Variants in OPCML observed in about 807,000 individuals in gnomAD.
The protein encoded by OPCML is opioid-binding protein/cell adhesion molecule.
In OPCML, 13 loss-of-function variants were observed where a neutral mutation model predicts 37.8. The observed-to-expected ratio is 0.34, with a 90% CI of 0.22 to 0.55. The LOEUF is 0.55. OPCML is among the 20% of genes least tolerant of loss of function. The pLI is 0.91. For missense variants in OPCML, 341 were observed against 435.6 expected, an observed-to-expected ratio of 0.78 and a Z score of 1.93; for synonymous variants, 176 against 168.8, an observed-to-expected ratio of 1.04 and a Z score of -0.33.
intron 1 of OPCML, among the ~76,000 whole-genome samples, chr11:133,176,445 G>A (rs1445331828): frequency 6.6e-6 from 1 of 150,610 alleles, no homozygotes; most frequent in Non-Finnish European, 1.5e-5. Flanking sequence ...ATGTTGAAAT[G>A]TAATTCCCAA....
chr11:132,703,291 T>C (rs750620199), intron 2 of OPCML, among the ~76,000 whole-genome samples: 1 of 152,220 alleles, frequency 6.6e-6, no homozygotes, highest in African/African-American at 2.4e-5. Flanking sequence ...TAAGTATTCA[T>C]GTATCTAAAT....
intron 1 of OPCML, among the ~76,000 whole-genome samples, chr11:133,016,699 G>A (rs1422893731): frequency 1.3e-5 from 2 of 152,186 alleles, no homozygotes; most frequent in Non-Finnish European, 2.9e-5. Flanking sequence ...CATATTCAGT[G>A]TGTACCACAG....
chr11:133,185,677 C>T (rs921021001), intron 1 of OPCML, among the ~76,000 whole-genome samples: 1 of 152,102 alleles, frequency 6.6e-6, no homozygotes, highest in Admixed American at 6.5e-5. Flanking sequence ...TTCTAAGGCT[C>T]CCATAGATAT....
intron 2 of OPCML, among the ~76,000 whole-genome samples, chr11:132,884,338 G>C (rs1242738180): frequency 6.6e-6 from 1 of 152,216 alleles, no homozygotes; most frequent in Non-Finnish European, 1.5e-5. Flanking sequence ...TATCAAAAAT[G>C]TTAAATGGCT....
At chr11:133,004,829 G>A in intron 1 of OPCML, 2 of 985,332 alleles carry the variant, frequency 2.0e-6, no homozygotes, top group Non-Finnish European at 2.4e-6. Context: ...TCCATCTACG[G>A]GAGTCAGTTC....
intron 4 of OPCML, among the ~76,000 whole-genome samples, chr11:132,481,169 A>G (rs947634925): frequency 2.0e-5 from 3 of 152,230 alleles, no homozygotes; most frequent in Non-Finnish European, 4.4e-5. Flanking sequence ...TGCTGTATTC[A>G]GGAAACCTAT....
intron 1 of OPCML, among the ~76,000 whole-genome samples, chr11:133,236,298 G>A (rs751423903): frequency 6.6e-6 from 1 of 152,146 alleles, no homozygotes; most frequent in Non-Finnish European, 1.5e-5. Flanking sequence ...CATGTCTGGG[G>A]TTAGATGGCA....
chr11:132,420,924 C>A (rs1367405098), intron 7 of OPCML, among the ~76,000 whole-genome samples: 1 of 152,122 alleles, frequency 6.6e-6, no homozygotes, highest in South Asian at 2.1e-4. Flanking sequence ...GATCAACATG[C>A]CCAAAACAGA....
intron 1 of OPCML, among the ~76,000 whole-genome samples, chr11:133,293,173 G>A (rs185913296): frequency 3.7e-4 from 56 of 152,186 alleles, no homozygotes; most frequent in African/African-American, 1.3e-3. Context: ...GAAGAGACAC[G>A]GGATGGACTG....
rs752073227 is a variant in OPCML at position 133,029,351 on chromosome 11, C to T, written c.62-86341G>A. Among the ~76,000 whole-genome samples, 83 of 152,284 alleles carry T rather than the reference C, an allele frequency of 5.5e-4. No homozygotes were observed. In the Middle Eastern group the frequency reaches 0.017, roughly 31 times the overall value. Reference sequence around the variant, plus strand: ...CTAAAAATAGAACTACCATTCGACCCAGCAAGGCCACTAGTCAGCATATAG... The same window carrying T: ...CTAAAAATAGAACTACCATTCGACCTAGCAAGGCCACTAGTCAGCATATAG... On this transcript the variant is annotated intron_variant, in intron 1 of 7. Transcript: ENST00000524381.
chr11:132,649,774 T>G (rs1941333488), intron 3 of OPCML, among the ~76,000 whole-genome samples: 1 of 152,096 alleles, frequency 6.6e-6, no homozygotes, highest in Admixed American at 6.5e-5. Context: ...TATATATGCT[T>G]GATGTTTGAT....
At chr11:133,435,589 G>T (rs1473067366) in intron 1 of OPCML, among the ~76,000 whole-genome samples, 2 of 152,100 alleles carry the variant, frequency 1.3e-5, no homozygotes, top group East Asian at 3.8e-4. Flanking sequence ...GCTTTCTAGA[G>T]ATCAAAAAAG....
At chr11:133,191,007 G>A (rs1938289619) in intron 1 of OPCML, among the ~76,000 whole-genome samples, 1 of 151,736 alleles carries the variant, frequency 6.6e-6, no homozygotes, top group South Asian at 2.1e-4. Context: ...TTATGTCTCG[G>A]GGTGGAATTA....
chr11:132,668,228 T>C (rs1052298962), intron 2 of OPCML, among the ~76,000 whole-genome samples: 1 of 152,196 alleles, frequency 6.6e-6, no homozygotes, highest in Non-Finnish European at 1.5e-5. Context: ...AAGTTGGTTC[T>C]TCTAAGTTCA....
At chr11:133,423,526 C>T (rs1280671942) in intron 1 of OPCML, 11 of 977,868 alleles carry the variant, frequency 1.1e-5, no homozygotes, top group East Asian at 1.1e-4. Flanking sequence ...AAAAGAAGTC[C>T]TAACGAGAAG....
chr11:133,000,936 G>C (rs573429899), intron 1 of OPCML, among the ~76,000 whole-genome samples: 1 of 152,208 alleles, frequency 6.6e-6, no homozygotes, highest in African/African-American at 2.4e-5. Flanking sequence ...AACACAGTAT[G>C]GCAGCTCCCC....
chr11:132,958,982 T>C lies in OPCML; in HGVS notation c.62-15972A>G, dbSNP rs1436296712. Among the ~76,000 whole-genome samples the C allele has an allele frequency of 1.3e-5, 2 of 152,228 alleles. 1 individual carries two copies. Among genetic ancestry groups the C allele is most frequent in the Non-Finnish European group, 2.9e-5 (2 of 68,036 alleles). On this transcript the variant is annotated intron_variant, in intron 1 of 7. Coordinates refer to ENST00000524381, the MANE Select transcript of OPCML (RefSeq NM_001012393.5). ...ACAAATTTCAACTTTCAAATTTTAT[T>C]ATTCAAGAGATACATTTGTAAGGCT...
At position 132,714,226 on chromosome 11, in the gene OPCML, T is replaced by C. The variant is rs79416966; in HGVS notation, c.147-56907A>G. Among the ~76,000 whole-genome samples, 1,134 of 152,340 alleles carry C rather than the reference T, an allele frequency of 7.4e-3. 10 individuals are homozygous for C. Among genetic ancestry groups the C allele is most frequent in the African/African-American group, 0.026 (1,076 of 41,570 alleles). On this transcript the variant is annotated intron_variant, in intron 2 of 7. Transcript: ENST00000524381. ...TCCTCTTTCTGCCTACTTCCTTTCC[T>C]TAAGATGTTAAGACATGTCAAATAA...
intron 2 of OPCML, chr11:132,772,928 G>A (rs1416474521): frequency 8.5e-5 from 13 of 152,170 alleles, no homozygotes; most frequent in Non-Finnish European, 5.9e-5. Flanking sequence ...ACCTGTCTGG[G>A]GCACATTGGA....
Sources: gnomAD v4.1 joint callset for allele counts (sites outside exome capture counted in the v4.1 genomes callset) on GRCh38, gnomAD v4.1.1 for gene constraint, MANE v1.5 for transcripts, NCBI Gene and HGNC (gene_info 2026-07-23, HGNC 2026-07-21) for gene names.